Variants in SBK1 observed in about 807,000 individuals in gnomAD.
The protein encoded by SBK1 is serine/threonine-protein kinase SBK1.
In SBK1, 11 loss-of-function variants were observed where a neutral mutation model predicts 24.4. That is an observed-to-expected ratio of 0.45 (90% CI 0.28 to 0.75). The LOEUF is 0.75. SBK1 is among the 30% of genes least tolerant of loss of function. SBK1 has a pLI of 0.12. For synonymous variants in SBK1, 308 were observed against 284.4 expected (o/e 1.08, Z -0.83); for missense variants, 467 against 620.5 (o/e 0.75, Z 2.63).
intron 1 of SBK1, among the ~76,000 whole-genome samples, chr16:28,271,160 G>A (rs1204141610): frequency 6.6e-6 from 1 of 152,042 alleles, no homozygotes; most frequent in Non-Finnish European, 1.5e-5. Flanking sequence ...ACTGCACCCG[G>A]CCTACGCACC....
intron 1 of SBK1, among the ~76,000 whole-genome samples, chr16:28,280,127 A>ATG (rs1296458205): frequency 8.8e-5 from 6 of 68,128 alleles, no homozygotes; most frequent in Non-Finnish European, 2.0e-4. Context: ...ATATATATAT[A>ATG]TATATATATA....
intron 1 of SBK1, among the ~76,000 whole-genome samples, chr16:28,261,421 T>G (rs2044396683): frequency 7.4e-6 from 1 of 136,014 alleles, no homozygotes; most frequent in Non-Finnish European, 1.6e-5. Context: ...ACAGTGAGAC[T>G]CCCGTCTACA....
At chr16:28,307,561 G>C (rs577615295) in intron 1 of SBK1, among the ~76,000 whole-genome samples, 1 of 152,170 alleles carries the variant, frequency 6.6e-6, no homozygotes, top group Non-Finnish European at 1.5e-5. Context: ...CCAGCATGGT[G>C]AAACCTCATC....
chr16:28,292,347 G>T (rs1488481510), upstream of SBK1, among the ~76,000 whole-genome samples: 1 of 147,138 alleles, frequency 6.8e-6, no homozygotes, highest in African/African-American at 2.5e-5. Flanking sequence ...GGCGCCGCGC[G>T]GGGAGAATCT....
At chr16:28,316,978 G>A (rs1428402900) in intron 1 of SBK1, among the ~76,000 whole-genome samples, 1 of 151,904 alleles carries the variant, frequency 6.6e-6, no homozygotes, top group African/African-American at 2.4e-5. Flanking sequence ...CCAGGATTTC[G>A]AGACCAGCCT....
chr16:28,296,856 G>C (rs905145310), intron 1 of SBK1, among the ~76,000 whole-genome samples: 1 of 152,182 alleles, frequency 6.6e-6, no homozygotes, highest in East Asian at 1.9e-4. Flanking sequence ...TGCAGGTCTT[G>C]CTCAGGACTC....
intron 1 of SBK1, among the ~76,000 whole-genome samples, chr16:28,303,513 T>C (rs369533850): frequency 3.9e-5 from 5 of 129,564 alleles, no homozygotes; most frequent in Admixed American, 7.6e-5. Flanking sequence ...TTTTCTTTTT[T>C]TTTTTTTTTT....
upstream of SBK1, among the ~76,000 whole-genome samples, chr16:28,287,559 C>G (rs565637697): frequency 1.3e-5 from 2 of 152,154 alleles, no homozygotes; most frequent in African/African-American, 4.8e-5. Context: ...AGAGGTGGCA[C>G]CTTTGAGCTG....
intron 1 of SBK1, among the ~76,000 whole-genome samples, chr16:28,280,133 A>ATGTGTG (rs1278069078): frequency 4.9e-5 from 3 of 60,638 alleles, no homozygotes; most frequent in Non-Finnish European, 8.2e-5. Context: ...ATATATATAT[A>ATGTGTG]TATATATATA....
intron 1 of SBK1, among the ~76,000 whole-genome samples, chr16:28,266,483 A>C (rs778369548): frequency 1.7e-4 from 26 of 152,198 alleles, no homozygotes; most frequent in Admixed American, 3.3e-4. Flanking sequence ...GCCTTAAACT[A>C]AACAAGTTAA....
upstream of SBK1, among the ~76,000 whole-genome samples, chr16:28,289,365 A>G (rs1490524885): frequency 6.6e-6 from 1 of 152,226 alleles, no homozygotes; most frequent in Non-Finnish European, 1.5e-5. Flanking sequence ...TGGGAGAGGA[A>G]GGGAAGACAC....
chr16:28,262,142 G>C (rs1337364893), intron 1 of SBK1, among the ~76,000 whole-genome samples: 1 of 152,164 alleles, frequency 6.6e-6, no homozygotes. Context: ...GCTCTGGAGT[G>C]TTTCTTTGCT....
chr16:28,300,563 A>G (rs1197856339), intron 1 of SBK1, among the ~76,000 whole-genome samples: 5 of 152,046 alleles, frequency 3.3e-5, no homozygotes, highest in Admixed American at 3.3e-4. Flanking sequence ...GGCTCAAGCC[A>G]TCTGCCTGTG....
At chr16:28,310,399 G>C (rs1210859817) in intron 1 of SBK1, among the ~76,000 whole-genome samples, 2 of 152,206 alleles carry the variant, frequency 1.3e-5, no homozygotes, top group Non-Finnish European at 2.9e-5. Context: ...CTGAGACTCG[G>C]CCCTCTTCTG....
chr16:28,293,841 G>A (rs564534350), intron 1 of SBK1, among the ~76,000 whole-genome samples: 6 of 152,248 alleles, frequency 3.9e-5, no homozygotes, highest in Non-Finnish European at 7.4e-5. Flanking sequence ...CATCTTCCCT[G>A]TGACTCTGCT....
At chr16:28,269,265 C>T (rs966913707) in intron 1 of SBK1, among the ~76,000 whole-genome samples, 9 of 151,742 alleles carry the variant, frequency 5.9e-5, no homozygotes, top group Admixed American at 1.3e-4. Context: ...GAATTCCCGA[C>T]CACAGGTGAT....
chr16:28,259,588 TC>T lies in SBK1; in HGVS notation c.257+87del. 1 of 221,276 alleles carries T rather than the reference TC, an allele frequency of 4.5e-6. No individual in the cohort carries two copies. The highest frequency in any genetic ancestry group is 7.6e-6 in the Non-Finnish European group (1 of 131,268). 13.7% of individuals were successfully genotyped at this position (221,276 alleles called of 1,614,324 possible). The stretch of plus-strand genomic sequence containing the variant: ...TGCCTGTGGGCCTGGCAGTCTTGCT[TC>T]AAGTCAATCTCTCTCTGTCCACTGC... On this transcript the variant is annotated intron_variant, in intron 1 of 3. Transcript: ENST00000671413. This position sits in a 1 kb window ranked among gnomAD's most constrained non-coding sequence, Gnocchi z 6.0.
chr16:28,298,182 G>A (rs959417868), intron 1 of SBK1, among the ~76,000 whole-genome samples: 5 of 152,188 alleles, frequency 3.3e-5, no homozygotes, highest in African/African-American at 4.8e-5. Flanking sequence ...GCCAGTTAAA[G>A]TCCCCTCTCC....
At chr16:28,260,434 C>G (rs948098229) in intron 1 of SBK1, among the ~76,000 whole-genome samples, 1 of 152,192 alleles carries the variant, frequency 6.6e-6, no homozygotes, top group African/African-American at 2.4e-5. Context: ...CCTGCCTGTG[C>G]CTCCATCACT....
Sources: gnomAD v4.1 joint callset for allele counts (sites outside exome capture counted in the v4.1 genomes callset) on GRCh38, gnomAD v4.1.1 for gene constraint, Gnocchi (gnomAD v3.1) non-coding constraint, MANE v1.5 for transcripts, NCBI Gene and HGNC (gene_info 2026-07-23, HGNC 2026-07-21) for gene names.